ARHGAP11B: variants seen among roughly 807,000 people sequenced by gnomAD.
ARHGAP11B encodes inactive Rho GTPase-activating protein 11B.
ARHGAP11B carries 14 observed loss-of-function variants against 27.6 expected under a neutral mutation model. The observed-to-expected ratio is 0.51, with a 90% CI of 0.34 to 0.79. The LOEUF (loss-of-function observed/expected upper bound fraction) is 0.79. Ranked by LOEUF, ARHGAP11B falls within the 30% of genes least tolerant of loss-of-function variation. The pLI, the probability that ARHGAP11B is intolerant of heterozygous loss-of-function variation, is 0.02. For missense variants in ARHGAP11B, 245 were observed against 320.1 expected, an observed-to-expected ratio of 0.77 and a Z score of 1.79; for synonymous variants, 82 against 114.1, an observed-to-expected ratio of 0.72 and a Z score of 1.80.
intron 1 of ARHGAP11B, 63 bp downstream of exon 1, chr15:30,627,012 T>G: frequency 6.2e-7 from 1 of 1,603,662 alleles, no homozygotes; most frequent in East Asian, 2.2e-5. Context: ...CATCACTTAT[T>G]AGCAGATCGT....
chr15:30,646,802 T>C (rs1355961200), intron 9 of ARHGAP11B, among the ~76,000 whole-genome samples: 1 of 151,760 alleles, frequency 6.6e-6, no homozygotes, highest in African/African-American at 2.4e-5. Flanking sequence ...AAACCCCATC[T>C]CTACTAAAAA....
intron 1 of ARHGAP11B, among the ~76,000 whole-genome samples, chr15:30,627,696 A>G (rs1026134521): frequency 6.6e-6 from 1 of 152,016 alleles, no homozygotes; most frequent in Non-Finnish European, 1.5e-5. Context: ...CAGGAATTGC[A>G]TTGTGAAAAA....
At chr15:30,628,354 T>G (rs12904496) in intron 1 of ARHGAP11B, among the ~76,000 whole-genome samples, 1 of 152,010 alleles carries the variant, frequency 6.6e-6, no homozygotes, top group Non-Finnish European at 1.5e-5. Context: ...GTGGTGGGAT[T>G]GCAGGCGTGA....
At chr15:30,628,000 A>G (rs1190340635) in intron 1 of ARHGAP11B, among the ~76,000 whole-genome samples, 1 of 151,498 alleles carries the variant, frequency 6.6e-6, no homozygotes, top group African/African-American at 2.4e-5. Context: ...GCTTTCCAAG[A>G]TCTCAAATGT....
chr15:30,632,429 A>G (rs191834426), intron 2 of ARHGAP11B, among the ~76,000 whole-genome samples: 9 of 142,462 alleles, frequency 6.3e-5, no homozygotes, highest in Admixed American at 4.0e-4. Flanking sequence ...AACTAAAAGA[A>G]AAAAAAAAAG....
At chr15:30,627,027 A>C in intron 1 of ARHGAP11B, 78 bp downstream of exon 1, 4 of 1,587,572 alleles carry the variant, frequency 2.5e-6, no homozygotes, top group Non-Finnish European at 3.4e-6. Context: ...GATCGTGCTA[A>C]AATGTTCACT....
chr15:30,636,618 G>C (rs1295628725), intron 6 of ARHGAP11B, among the ~76,000 whole-genome samples: 2 of 152,080 alleles, frequency 1.3e-5, no homozygotes, highest in African/African-American at 4.8e-5. Flanking sequence ...TAGGGCTACT[G>C]TAGCAAAGTA....
At chr15:30,633,540 G>A (rs756684047) in exon 3 of ARHGAP11B, 1 of 1,613,170 alleles carries the variant, frequency 6.2e-7, no homozygotes. Context: ...CATACCGAAG[G>A]GCTTTTTCGG....
At chr15:30,630,560 A>C in intron 1 of ARHGAP11B, 143 bp from the exon 2 acceptor site, 1 of 1,461,672 alleles carries the variant, frequency 6.8e-7, no homozygotes, top group South Asian at 1.3e-5. Context: ...TGCACTTGAA[A>C]TGATTATTTT....
At chr15:30,639,219 A>G in intron 7 of ARHGAP11B, among the ~76,000 whole-genome samples, 1 of 152,088 alleles carries the variant, frequency 6.6e-6, no homozygotes, top group Non-Finnish European at 1.5e-5. Flanking sequence ...AGTCAACATG[A>G]TCTTCTGTTT....
intron 9 of ARHGAP11B, among the ~76,000 whole-genome samples, chr15:30,647,261 A>G (rs1003464188): frequency 1.3e-4 from 20 of 151,706 alleles, no homozygotes; most frequent in Non-Finnish European, 2.8e-4. Context: ...TTTAGCATCG[A>G]TTGGCAGAGT....
At chr15:30,637,743 A>G (rs746583563) in intron 6 of ARHGAP11B, among the ~76,000 whole-genome samples, 1 of 151,720 alleles carries the variant, frequency 6.6e-6, no homozygotes, top group Non-Finnish European at 1.5e-5. Context: ...CAAAAATAAA[A>G]ATTAAAAAAA....
At chr15:30,634,264 C>G in exon 4 of ARHGAP11B, 1 of 1,612,710 alleles carries the variant, frequency 6.2e-7, no homozygotes, top group Admixed American at 1.7e-5. Context: ...CTGCCAGAGC[C>G]CATTCTCCCA....
intron 1 of ARHGAP11B, among the ~76,000 whole-genome samples, 187 bp downstream of exon 1, chr15:30,627,136 T>C (rs1379527058): frequency 6.6e-6 from 1 of 151,818 alleles, no homozygotes; most frequent in African/African-American, 2.4e-5. Flanking sequence ...TCCCCAAGGA[T>C]TTTTGATCAT....
At chr15:30,640,013 T>TGTGTGTGTGTG (rs1555524490) in intron 7 of ARHGAP11B, among the ~76,000 whole-genome samples, 2 of 146,454 alleles carry the variant, frequency 1.4e-5, no homozygotes, top group Non-Finnish European at 1.5e-5. Flanking sequence ...TGTGTGTGTG[T>TGTGTGTGTGTG]TATGACAACA....
In ARHGAP11B at chr15:30,646,651, A is replaced by T. The variant is rs1043167453; in HGVS notation, c.*324+356A>T. On this transcript the variant is annotated intron_variant, in intron 9 of 10. Coordinates refer to ENST00000428041, the Ensembl canonical transcript of ARHGAP11B. ...GCACTCCAGCCTGGGCGACAGCGAG[A>T]CTCCGTCTCAAAAAAAAAAAAAAAT... Among the ~76,000 whole-genome samples, 11 of 143,212 alleles carry T rather than the reference A, an allele frequency of 7.7e-5. 1 individual carries two copies. Among genetic ancestry groups the T allele is most frequent in the African/African-American group, 2.6e-4 (10 of 37,850 alleles). The allele number at this position is 143,212 out of a possible 152,430, so 94.0% of individuals were successfully genotyped here. A position where few individuals can be genotyped will look rare whatever the true frequency, so the allele number is the denominator to read the frequency against.
At chr15:30,636,554 T>G (rs1020103145) in intron 6 of ARHGAP11B, among the ~76,000 whole-genome samples, 41 of 152,226 alleles carry the variant, frequency 2.7e-4, no homozygotes, top group African/African-American at 8.9e-4. Flanking sequence ...CTTGTGTTTC[T>G]TCTTTACCTC....
At chr15:30,644,229 C>G (rs1225191252) in intron 7 of ARHGAP11B, among the ~76,000 whole-genome samples, 4 of 151,918 alleles carry the variant, frequency 2.6e-5, no homozygotes, top group Non-Finnish European at 5.9e-5. Context: ...GTCTCATCTT[C>G]CCAACCAGAA....
At chr15:30,640,274 A>G (rs1436788676) in intron 7 of ARHGAP11B, among the ~76,000 whole-genome samples, 1 of 118,778 alleles carries the variant, frequency 8.4e-6, no homozygotes, top group African/African-American at 3.2e-5. Flanking sequence ...TTTAGACTCA[A>G]GTACCTTTTG....
Sources: gnomAD v4.1 joint callset for allele counts (sites outside exome capture counted in the v4.1 genomes callset) on GRCh38, gnomAD v4.1.1 for gene constraint, MANE v1.5 for transcripts, NCBI Gene and HGNC (gene_info 2026-07-23, HGNC 2026-07-21) for gene names.